PTPRM: variants seen among roughly 807,000 people sequenced by gnomAD.
PTPRM encodes the protein protein tyrosine phosphatase receptor type M.
Under a neutral mutation model 186.7 loss-of-function variants are expected in PTPRM, and 47 were observed. The observed-to-expected ratio is 0.25, with a 90% CI of 0.20 to 0.32. PTPRM has a LOEUF of 0.32. PTPRM is among the 10% of genes least tolerant of loss of function. The pLI is 1.00. For synonymous variants in PTPRM, 668 were observed against 674.9 expected (o/e 0.99, Z 0.16); for missense variants, 1,494 against 1,865.0 (o/e 0.80, Z 3.66).
intron 19 of PTPRM, among the ~76,000 whole-genome samples, chr18:8,269,047 T>A (rs1360932252): frequency 3.3e-5 from 5 of 151,940 alleles, no homozygotes; most frequent in Non-Finnish European, 7.4e-5. Flanking sequence ...AACATAGTAC[T>A]AGAAATCCAA....
At chr18:8,389,833 A>G (rs2095799943) in intron 31 of PTPRM, among the ~76,000 whole-genome samples, 1 of 152,162 alleles carries the variant, frequency 6.6e-6, no homozygotes, top group African/African-American at 2.4e-5. Flanking sequence ...AGCGCCACCT[A>G]ACGGCTGTGG....
At chr18:8,282,356 G>T (rs547084961) in intron 19 of PTPRM, among the ~76,000 whole-genome samples, 1 of 152,242 alleles carries the variant, frequency 6.6e-6, no homozygotes, top group South Asian at 2.1e-4. Flanking sequence ...AAATCTTTAA[G>T]CAGTTCTTAA....
At chr18:8,002,295 A>T (rs1313919250) in intron 7 of PTPRM, among the ~76,000 whole-genome samples, 1 of 152,234 alleles carries the variant, frequency 6.6e-6, no homozygotes, top group African/African-American at 2.4e-5. Flanking sequence ...TCAGAAGGGA[A>T]TGAAGGTCCT....
intron 1 of PTPRM, among the ~76,000 whole-genome samples, chr18:7,588,529 A>C (rs572997955): frequency 6.6e-6 from 1 of 152,308 alleles, no homozygotes; most frequent in East Asian, 1.9e-4. Flanking sequence ...TAATTAGAAA[A>C]ATTTGGAAAG....
intron 7 of PTPRM, among the ~76,000 whole-genome samples, chr18:8,023,870 A>ACACACACG (rs71354588): frequency 0.018 from 2,676 of 149,326 alleles, 41 homozygotes; most frequent in South Asian, 0.036. Flanking sequence ...ACACACACAC[A>ACACACACG]CGCACACCCC....
At chr18:8,378,145 C>T (rs927583923) in intron 26 of PTPRM, 120 bp from the exon 27 acceptor site, 15 of 1,026,726 alleles carry the variant, frequency 1.5e-5, no homozygotes, top group East Asian at 2.4e-5. Flanking sequence ...GCCCTTGGAC[C>T]GTGTTTCTCT....
chr18:8,241,916 C>T (rs979777151), intron 14 of PTPRM, among the ~76,000 whole-genome samples: 4 of 152,134 alleles, frequency 2.6e-5, no homozygotes, highest in African/African-American at 9.7e-5. Flanking sequence ...ACAGTCTTTA[C>T]AGGGCTTCTT....
chr18:8,048,705 A>C (rs2087246813), intron 7 of PTPRM, among the ~76,000 whole-genome samples: 1 of 152,206 alleles, frequency 6.6e-6, no homozygotes, highest in African/African-American at 2.4e-5. Flanking sequence ...AACAACTTCA[A>C]ATAGAAAACT....
At chr18:7,574,337 GT>G (rs558909929) in intron 1 of PTPRM, among the ~76,000 whole-genome samples, 412 of 152,284 alleles carry the variant, frequency 2.7e-3, no homozygotes, top group Middle Eastern at 0.014. Flanking sequence ...AAATTTTGTT[GT>G]AATGGTTAGC....
chr18:7,616,031 G>A (rs181847705), intron 1 of PTPRM, among the ~76,000 whole-genome samples: 38 of 152,206 alleles, frequency 2.5e-4, no homozygotes, highest in African/African-American at 6.7e-4. Flanking sequence ...AGTAATGCTC[G>A]CGAGCCGCCA....
At chr18:7,936,353 G>T (rs1326769940) in intron 5 of PTPRM, among the ~76,000 whole-genome samples, 1 of 152,212 alleles carries the variant, frequency 6.6e-6, no homozygotes, top group Non-Finnish European at 1.5e-5. Flanking sequence ...GCACCTGCAG[G>T]CTTCGAAGTA....
chr18:8,376,753 C>G, intron 26 of PTPRM, 156 bp downstream of exon 26: 3 of 812,848 alleles, frequency 3.7e-6, no homozygotes, highest in Non-Finnish European at 5.2e-6. Flanking sequence ...CTCCCTTCCC[C>G]CTTTTTGTTT....
chr18:7,637,848 C>G (rs752411888), intron 1 of PTPRM, among the ~76,000 whole-genome samples: 11 of 152,146 alleles, frequency 7.2e-5, no homozygotes, highest in Non-Finnish European at 1.6e-4. Flanking sequence ...TGGTGCTTTT[C>G]CTTAATTTAA....
At chr18:8,360,441 G>A (rs1261902460) in intron 23 of PTPRM, among the ~76,000 whole-genome samples, 3 of 152,118 alleles carry the variant, frequency 2.0e-5, no homozygotes, top group African/African-American at 7.2e-5. Context: ...TGTGTCAGTT[G>A]CTTCCCTATG....
intron 1 of PTPRM, among the ~76,000 whole-genome samples, chr18:7,580,338 G>A (rs1219281502): frequency 6.6e-6 from 1 of 152,154 alleles, no homozygotes; most frequent in African/African-American, 2.4e-5. Context: ...AACAAGAAGT[G>A]GGTGTTGAAG....
At chr18:8,325,887 G>A (rs2095372803) in intron 22 of PTPRM, among the ~76,000 whole-genome samples, 1 of 152,080 alleles carries the variant, frequency 6.6e-6, no homozygotes, top group East Asian at 1.9e-4. Context: ...GGTGTGAGAT[G>A]GTATCTCATT....
intron 1 of PTPRM, among the ~76,000 whole-genome samples, chr18:7,629,443 G>A (rs2038139141): frequency 6.6e-6 from 1 of 152,154 alleles, no homozygotes; most frequent in African/African-American, 2.4e-5. Context: ...ATTAGATTTA[G>A]GGTGGGGCCT....
rs553790707 is a variant in PTPRM, at chr18:8,372,546, C to G, written c.3171+1540C>G. ...TCATAGAATCACAAAGCTGGAAAGA[C>G]TTTATTTTAATCTGTTTCTCATACT... On this transcript the variant is annotated intron_variant, in intron 24 of 32. Transcript: ENST00000580170. Among the ~76,000 whole-genome samples, 13 of 152,246 alleles carry G rather than the reference C, an allele frequency of 8.5e-5. 1 individual carries two copies. In the South Asian group the frequency reaches 2.5e-3, roughly 29 times the overall value.
At chr18:8,016,339 G>A (rs570392484) in intron 7 of PTPRM, among the ~76,000 whole-genome samples, 3 of 152,118 alleles carry the variant, frequency 2.0e-5, no homozygotes, top group African/African-American at 7.2e-5. Flanking sequence ...GGCCAACATG[G>A]TGAAACCTCG....
Sources: gnomAD v4.1 joint callset for allele counts (sites outside exome capture counted in the v4.1 genomes callset) on GRCh38, gnomAD v4.1.1 for gene constraint, MANE v1.5 for transcripts, NCBI Gene and HGNC (gene_info 2026-07-23, HGNC 2026-07-21) for gene names.